Variants in HOPX observed in about 807,000 individuals in gnomAD.
The protein encoded by HOPX is HOP homeobox.
HOPX carries 5 observed loss-of-function variants against 11.8 expected under a neutral mutation model. That is an observed-to-expected ratio of 0.43 (90% CI 0.22 to 0.89). HOPX has a LOEUF of 0.89. Among genes scored for constraint, HOPX ranks in the 40% least tolerant of loss-of-function variants. The pLI is 0.28. For missense variants in HOPX, 119 were observed against 120.0 expected (o/e 0.99, Z 0.04); for synonymous variants, 49 against 49.7 (o/e 0.99, Z 0.06).
chr4:56,680,138 T>G (rs56373827), intron 1 of HOPX: 4 of 152,024 alleles, frequency 2.6e-5, no homozygotes, highest in African/African-American at 9.7e-5. Context: ...AAAAAAATAA[T>G]AATAAGCATA....
chr4:56,663,675 C>T (rs773714110), intron 1 of HOPX: 2 of 152,112 alleles, frequency 1.3e-5, no homozygotes, highest in African/African-American at 2.4e-5. Flanking sequence ...TGAGTAGAAA[C>T]GAGGTTTCAC....
intron 2 of HOPX, 118 bp downstream of exon 2, chr4:56,657,657 T>C (rs1011718237): frequency 8.5e-6 from 6 of 707,612 alleles, no homozygotes; most frequent in Non-Finnish European, 1.3e-5. Context: ...CTGATTCCTG[T>C]CACGGTGCTA....
At position 56,656,011 on chromosome 4, in the gene HOPX, C is replaced by A; in HGVS notation, c.44G>T (p.Arg15Leu). ...GGTCTCCGCCGACATGGTCCCTGCGCGCTGCGGGGCAGGGAGAAGCGGCGG... is the reference window on the plus strand; with the variant it reads ...GGTCTCCGCCGACATGGTCCCTGCGAGCTGCGGGGCAGGGAGAAGCGGCGG... ...LGCYRRRLEE[R>L]AGTMSAETAS... is the part of the protein sequence containing the mutation. The change falls in exon 3 of 4, where the codon CGC becomes CTC. Residue 15 changes from arginine (R) to leucine (L), a missense_variant and splice_region_variant. Physicochemically the swap from Arg to Leu is moderately radical, Grantham distance 102. Coordinates refer to ENST00000420433, the MANE Select transcript of HOPX (RefSeq NM_032495.6). 2 of 1,587,354 alleles carry A rather than the reference C, an allele frequency of 1.3e-6. No homozygotes were observed. Among genetic ancestry groups the A allele is most frequent in the Admixed American group, 3.5e-5 (2 of 57,574 alleles).
chr4:56,674,558 A>G (rs1241890165), intron 1 of HOPX, among the ~76,000 whole-genome samples: 10 of 151,602 alleles, frequency 6.6e-5, no homozygotes. Context: ...ATACACTAAG[A>G]GATTAGAACT....
chr4:56,662,814 G>C (rs1308679362), intron 1 of HOPX: 1 of 152,118 alleles, frequency 6.6e-6, no homozygotes, highest in African/African-American at 2.4e-5. Flanking sequence ...TGATGTCAGA[G>C]GTTCTAAGAT....
At chr4:56,659,956 A>G (rs1718011139) in intron 1 of HOPX, among the ~76,000 whole-genome samples, 1 of 152,228 alleles carries the variant, frequency 6.6e-6, no homozygotes, top group Non-Finnish European at 1.5e-5. Context: ...AAATGCCTTT[A>G]AAATTATAAA....
intron 3 of HOPX, among the ~76,000 whole-genome samples, chr4:56,653,977 C>T (rs1278729397): frequency 6.6e-6 from 1 of 152,120 alleles, no homozygotes; most frequent in African/African-American, 2.4e-5. Flanking sequence ...AGGACTGTTG[C>T]CTAATGCAGA....
At chr4:56,669,672 T>G (rs1215481052) in intron 1 of HOPX, among the ~76,000 whole-genome samples, 3 of 44,138 alleles carry the variant, frequency 6.8e-5, no homozygotes, top group African/African-American at 2.1e-4. Context: ...ATAATAATAA[T>G]AATAATAATA....
chr4:56,662,491 T>C (rs963325237), intron 1 of HOPX: 10 of 151,664 alleles, frequency 6.6e-5, no homozygotes, highest in African/African-American at 2.4e-4. Context: ...CTTCTTTTTT[T>C]TTTTTTTAGA....
chr4:56,672,250 G>A (rs991075149), intron 1 of HOPX, among the ~76,000 whole-genome samples: 1 of 151,898 alleles, frequency 6.6e-6, no homozygotes, highest in African/African-American at 2.4e-5. Context: ...TTAAGAAAAT[G>A]ACATTTGGCT....
chr4:56,666,380 A>G (rs1165613048), intron 1 of HOPX, among the ~76,000 whole-genome samples: 1 of 152,248 alleles, frequency 6.6e-6, no homozygotes, highest in Non-Finnish European at 1.5e-5. Flanking sequence ...ATCATCCTGA[A>G]ACTGTTGTTG....
intron 1 of HOPX, among the ~76,000 whole-genome samples, chr4:56,667,635 T>A (rs560714515): frequency 2.0e-5 from 3 of 152,334 alleles, no homozygotes; most frequent in Non-Finnish European, 2.9e-5. Flanking sequence ...AATTTGAAGC[T>A]AAAATGTTTC....
intron 1 of HOPX, among the ~76,000 whole-genome samples, chr4:56,677,629 T>C (rs913633253): frequency 1.3e-5 from 2 of 151,496 alleles, no homozygotes; most frequent in Non-Finnish European, 1.5e-5. Flanking sequence ...TAAAAACCAA[T>C]TGGAAACATG....
At position 56,648,631 on chromosome 4, in the gene HOPX, A is replaced by G. The variant is rs555333079; in HGVS notation, c.*89T>C. On this transcript the variant is annotated 3_prime_UTR_variant, in exon 4 of 4. Coordinates refer to ENST00000420433, the MANE Select transcript of HOPX (RefSeq NM_032495.6). Reference sequence around the variant, plus strand: ...AGCTAGCAATGGAACATACAACACTATGCTGAAAAACCACAACAGCTTGGT... The same window carrying G: ...AGCTAGCAATGGAACATACAACACTGTGCTGAAAAACCACAACAGCTTGGT... 6 of 898,886 alleles carry G rather than the reference A, an allele frequency of 6.7e-6. No individual in the cohort carries two copies. In the East Asian group the frequency reaches 9.8e-5, roughly 15 times the overall value. The allele number at this position is 898,886 out of a possible 1,614,324, so 55.7% of individuals were successfully genotyped here. A position where few individuals can be genotyped will look rare whatever the true frequency, so the allele number is the denominator to read the frequency against.
chr4:56,649,263 T>G (rs1009155483), intron 3 of HOPX: 16 of 153,340 alleles, frequency 1.0e-4, no homozygotes, highest in Admixed American at 1.9e-4. Context: ...CTATCACCAT[T>G]GCATCCTTAG....
intron 1 of HOPX, 51 bp from the exon 2 acceptor site, chr4:56,657,950 T>A: frequency 6.6e-7 from 1 of 1,519,710 alleles, no homozygotes; most frequent in Non-Finnish European, 8.8e-7. Context: ...CAGGAGCTCA[T>A]TGCCATTTTG....
chr4:56,673,897 G>A (rs1223326230), intron 1 of HOPX, among the ~76,000 whole-genome samples: 2 of 151,460 alleles, frequency 1.3e-5, no homozygotes, highest in Non-Finnish European at 2.9e-5. Flanking sequence ...TAGAGACGGG[G>A]TTTCACCATG....
At position 56,655,983 on chromosome 4, in the gene HOPX, C is replaced by T. The variant is rs1260032781; in HGVS notation, c.72G>A (p.Ala24=). ...CCACCTGGTCCTCTGTGGGGCCGCTCGCGGTCTCCGCCGACATGGTCCCTG... is the reference window on the plus strand; with the variant it reads ...CCACCTGGTCCTCTGTGGGGCCGCTTGCGGTCTCCGCCGACATGGTCCCTG... ...ERAGTMSAET[A]SGPTEDQVEI... Residue 24 remains alanine (A), a synonymous_variant, in exon 3 of 4, where the codon GCG becomes GCA. Transcript: ENST00000420433. 6 of 1,605,486 alleles carry T rather than the reference C, an allele frequency of 3.7e-6. No homozygotes were observed. Among genetic ancestry groups the T allele is most frequent in the East Asian group, 2.3e-5 (1 of 44,340 alleles).
chr4:56,663,250 G>A (rs148272321), intron 1 of HOPX: 13 of 152,192 alleles, frequency 8.5e-5, no homozygotes, highest in East Asian at 3.9e-4. Context: ...CCTAGAACAC[G>A]CTGCACTTGA....
Sources: gnomAD v4.1 joint callset for allele counts (sites outside exome capture counted in the v4.1 genomes callset) on GRCh38, gnomAD v4.1.1 for gene constraint, MANE v1.5 for transcripts, NCBI Gene and HGNC (gene_info 2026-07-23, HGNC 2026-07-21) for gene names.